SOX6: variants seen among roughly 807,000 people sequenced by gnomAD.
SOX6 encodes the protein transcription factor SOX-6.
In SOX6, 11 loss-of-function variants were observed where a neutral mutation model predicts 97.8. The ratio of observed to expected loss-of-function variants is 0.11; its 90% confidence interval spans 0.07 to 0.19. The LOEUF is 0.19. Ranked by LOEUF, SOX6 falls within the 10% of genes least tolerant of loss-of-function variation. SOX6 has a pLI of 1.00. For synonymous variants in SOX6, 360 were observed against 371.4 expected, an observed-to-expected ratio of 0.97 and a Z score of 0.35; for missense variants, 810 against 1,039.5, an observed-to-expected ratio of 0.78 and a Z score of 3.04.
intron 4 of SOX6, among the ~76,000 whole-genome samples, chr11:16,216,471 A>C (rs1392181826): frequency 6.6e-6 from 1 of 152,120 alleles, no homozygotes; most frequent in African/African-American, 2.4e-5. Flanking sequence ...TCTTAGTGTC[A>C]ACCACAATAA....
chr11:16,023,023 TTTTC>T (rs1406942642), intron 12 of SOX6, among the ~76,000 whole-genome samples: 2 of 152,222 alleles, frequency 1.3e-5, no homozygotes, highest in East Asian at 1.9e-4. Context: ...GAATGCCACT[TTTTC>T]TTTCTAATTA....
chr11:16,293,341 G>A (rs367654653), intron 3 of SOX6, among the ~76,000 whole-genome samples: 30 of 152,116 alleles, frequency 2.0e-4, no homozygotes, highest in Admixed American at 1.7e-3. Context: ...CAGCAACCAC[G>A]TGGACATTAC....
chr11:16,080,601 T>C (rs1848452480), intron 9 of SOX6, among the ~76,000 whole-genome samples: 1 of 152,218 alleles, frequency 6.6e-6, no homozygotes, highest in Admixed American at 6.5e-5. Context: ...AGAAAAATAC[T>C]TATTGGCATT....
At chr11:16,633,986 C>T (rs984435603) in intron 3 of SOX6, among the ~76,000 whole-genome samples, 3 of 152,146 alleles carry the variant, frequency 2.0e-5, no homozygotes, top group African/African-American at 7.2e-5. Context: ...AATTTCTTGA[C>T]ATGAAGAATC....
intron 2 of SOX6, among the ~76,000 whole-genome samples, chr11:16,323,057 AACCC>A (rs1855973225): frequency 6.6e-6 from 1 of 152,150 alleles, no homozygotes; most frequent in South Asian, 2.1e-4. Flanking sequence ...CTTTTCTTTC[AACCC>A]CTAACTTCAG....
chr11:16,636,643 C>A (rs981652676), intron 3 of SOX6, among the ~76,000 whole-genome samples: 1 of 152,068 alleles, frequency 6.6e-6, no homozygotes, highest in Non-Finnish European at 1.5e-5. Flanking sequence ...TGGCTCTGTC[C>A]CCCTACCCCA....
intron 6 of SOX6, among the ~76,000 whole-genome samples, chr11:16,138,854 TC>T (rs1214152310): frequency 1.4e-4 from 21 of 152,162 alleles, no homozygotes; most frequent in African/African-American, 4.3e-4. Flanking sequence ...TCCAGTTTCA[TC>T]CTTGTCCCTA....
chr11:16,220,803 A>C (rs1852516046), intron 4 of SOX6, among the ~76,000 whole-genome samples: 1 of 152,058 alleles, frequency 6.6e-6, no homozygotes, highest in Non-Finnish European at 1.5e-5. Flanking sequence ...GCAAGTTGAG[A>C]GTAAAATAGG....
chr11:16,352,187 T>C (rs764018494), intron 1 of SOX6, among the ~76,000 whole-genome samples: 1 of 151,712 alleles, frequency 6.6e-6, no homozygotes, highest in Non-Finnish European at 1.5e-5. Context: ...CCTCCCAAAA[T>C]AATCAATTTA....
At chr11:16,324,400 C>T (rs1856012112) in intron 2 of SOX6, among the ~76,000 whole-genome samples, 1 of 152,060 alleles carries the variant, frequency 6.6e-6, no homozygotes. Context: ...TAACTATAGG[C>T]AACCTAGTTA....
At chr11:16,699,998 A>G (rs1848081317) in intron 3 of SOX6, among the ~76,000 whole-genome samples, 1 of 151,940 alleles carries the variant, frequency 6.6e-6, no homozygotes, top group African/African-American at 2.4e-5. Context: ...GGAGCTTTTG[A>G]TCTAGTGTGT....
intron 8 of SOX6, 44 bp from the exon 9 acceptor site, chr11:16,096,162 ACT>A: frequency 6.3e-7 from 1 of 1,594,030 alleles, no homozygotes; most frequent in Non-Finnish European, 8.6e-7. Context: ...GACAAAACAT[ACT>A]GTCAGAACTC....
chr11:16,669,629 C>T (rs894503905), intron 3 of SOX6, among the ~76,000 whole-genome samples: 3 of 152,198 alleles, frequency 2.0e-5, no homozygotes, highest in Non-Finnish European at 4.4e-5. Context: ...GGGTGGGTTG[C>T]CATCTTTGCT....
chr11:16,111,833 G>C lies in SOX6; in HGVS notation c.868C>G (p.Leu290Val). Residue 290 changes from leucine (L) to valine (V), a missense_variant, in exon 7 of 16, where the codon CTC (leucine) becomes GTC (valine). By Grantham distance (32) the Leu-to-Val change is conservative. Around this residue, in one of 9 missense-constraint regions of SOX6, gnomAD observed 244 missense variants for 261.0 expected, o/e 0.93. Transcript: ENST00000683767. ...TTGTATGTTATTCCAGGGGGGAAGA[G>C]GAATCCCTGTTGGGCAGCAGCAGCT... ...AAAAAAQQGF[L>V]FPPGITYKPG... 1 of 1,613,120 alleles carries C rather than the reference G, an allele frequency of 6.2e-7. No homozygotes were observed. The highest frequency in any genetic ancestry group is 1.1e-5 in the South Asian group (1 of 91,028).
intron 3 of SOX6, among the ~76,000 whole-genome samples, chr11:16,636,273 T>C (rs1848787918): frequency 6.6e-6 from 1 of 152,214 alleles, no homozygotes; most frequent in African/African-American, 2.4e-5. Context: ...AATACCTGGA[T>C]GTGAGGCATG....
rs189503236 is a variant in SOX6, at chr11:16,444,383, G to T, written c.-5+31932C>A. 4.6e-3 allele frequency among the ~76,000 whole-genome samples: 701 copies of T among 152,122 alleles called. 5 individuals carry two copies. Among genetic ancestry groups the T allele is most frequent in the African/African-American group, 0.016 (678 of 41,496 alleles). Reference sequence around the variant, plus strand: ...TTAGGTCCATTATTTCCCATAATTCGCTGTGGCAGTAAGGCAAATGGTAAT... The same window carrying T: ...TTAGGTCCATTATTTCCCATAATTCTCTGTGGCAGTAAGGCAAATGGTAAT... On this transcript the variant is annotated intron_variant, in intron 1 of 15. Transcript: ENST00000396356.
chr11:16,609,470 AG>A (rs1198781980), intron 4 of SOX6, among the ~76,000 whole-genome samples: 1 of 152,252 alleles, frequency 6.6e-6, no homozygotes, highest in Non-Finnish European at 1.5e-5. Context: ...GGACCAAAAG[AG>A]GAGTCAGGAA....
intron 1 of SOX6, among the ~76,000 whole-genome samples, chr11:16,382,081 T>C (rs1857839111): frequency 6.6e-6 from 1 of 152,022 alleles, no homozygotes; most frequent in Admixed American, 6.6e-5. Flanking sequence ...AGTAAAAGTC[T>C]TAAAAAGCAA....
At chr11:16,666,100 C>A (rs1403504917) in intron 3 of SOX6, among the ~76,000 whole-genome samples, 3 of 152,086 alleles carry the variant, frequency 2.0e-5, no homozygotes, top group African/African-American at 7.2e-5. Context: ...ACAAACAAGC[C>A]CAGACTACAA....
Sources: gnomAD v4.1 joint callset for allele counts (sites outside exome capture counted in the v4.1 genomes callset) on GRCh38, gnomAD v4.1.1 for gene constraint, gnomAD v4.1.1 regional missense constraint, MANE v1.5 for transcripts, NCBI Gene and HGNC (gene_info 2026-07-23, HGNC 2026-07-21) for gene names.